The following ROBO1 variants were observed in gnomAD, a reference collection of about 807,000 sequenced individuals.
ROBO1 encodes roundabout guidance receptor 1, also known as roundabout homolog 1.
In ROBO1, 149 loss-of-function variants were observed where a neutral mutation model predicts 195.9. That is an observed-to-expected ratio of 0.76 (90% CI 0.67 to 0.87). ROBO1 has a LOEUF of 0.87. Ranked by LOEUF, ROBO1 falls within the 40% of genes least tolerant of loss-of-function variation. ROBO1 has a pLI of 0.00. For missense variants in ROBO1, 1,933 were observed against 2,068.3 expected, an observed-to-expected ratio of 0.93 and a Z score of 1.27; for synonymous variants, 816 against 733.2, an observed-to-expected ratio of 1.11 and a Z score of -1.82.
rs1272790921 is a variant in ROBO1 at position 78,805,361 on chromosome 3, A to C, written c.500-58461T>G. Reference sequence around the variant, plus strand: ...TTTGTTTCTTAATGATACAAACCACATGAGAAAGTCACTAAAAAATGTAGA... The same window carrying C: ...TTTGTTTCTTAATGATACAAACCACCTGAGAAAGTCACTAAAAAATGTAGA... On this transcript the variant is annotated intron_variant, in intron 4 of 30. Coordinates refer to ENST00000464233, the MANE Select transcript of ROBO1 (RefSeq NM_002941.4). Among the ~76,000 whole-genome samples the C allele has an allele frequency of 2.6e-5, 4 of 152,122 alleles. No individual in the cohort carries two copies. The East Asian group carries it at 7.7e-4, about 29-fold the overall frequency.
At chr3:79,491,249 C>T (rs1221160210) in intron 2 of ROBO1, among the ~76,000 whole-genome samples, 3 of 146,710 alleles carry the variant, frequency 2.0e-5, no homozygotes, top group African/African-American at 7.5e-5. Context: ...CAGTTTTTAA[C>T]TTCTTGCCTA....
chr3:79,317,764 A>T (rs1408227743), intron 2 of ROBO1, among the ~76,000 whole-genome samples: 1 of 151,956 alleles, frequency 6.6e-6, no homozygotes, highest in Non-Finnish European at 1.5e-5. Flanking sequence ...CCTACAAAGC[A>T]CTCGTGTTCT....
intron 3 of ROBO1, among the ~76,000 whole-genome samples, chr3:78,960,779 AACACACACACACACACACACAC>A (rs751349324): frequency 5.3e-4 from 66 of 124,596 alleles, no homozygotes; most frequent in East Asian, 3.5e-3. Flanking sequence ...TCCGTATTAA[AACACACACACACACACACACAC>A]ACACACACAC....
intron 1 of ROBO1, among the ~76,000 whole-genome samples, chr3:79,726,038 T>C (rs1702912617): frequency 6.6e-6 from 1 of 151,830 alleles, no homozygotes; most frequent in Admixed American, 6.6e-5. Context: ...CAAACAAGAG[T>C]CTGGCAGCCA....
At chr3:79,348,604 G>A (rs1182005530) in intron 2 of ROBO1, among the ~76,000 whole-genome samples, 1 of 152,136 alleles carries the variant, frequency 6.6e-6, no homozygotes, top group Non-Finnish European at 1.5e-5. Context: ...ACATCCTATT[G>A]GAGGTAATGT....
chr3:79,261,807 T>A (rs2082942669), intron 2 of ROBO1, among the ~76,000 whole-genome samples: 1 of 152,076 alleles, frequency 6.6e-6, no homozygotes, highest in Non-Finnish European at 1.5e-5. Context: ...TTTAATTTTA[T>A]CAATATGTTA....
chr3:79,082,057 A>G (rs2079284341), intron 3 of ROBO1, among the ~76,000 whole-genome samples: 1 of 152,164 alleles, frequency 6.6e-6, no homozygotes, highest in South Asian at 2.1e-4. Flanking sequence ...AAAAGAAAAT[A>G]TTACCTAGAA....
intron 4 of ROBO1, among the ~76,000 whole-genome samples, chr3:78,930,319 A>G (rs2039443043): frequency 6.6e-6 from 1 of 152,190 alleles, no homozygotes; most frequent in South Asian, 2.1e-4. Flanking sequence ...CTTGGGATGA[A>G]AAGACAAATG....
chr3:79,448,744 T>C (rs920543404), intron 2 of ROBO1, among the ~76,000 whole-genome samples: 3 of 152,178 alleles, frequency 2.0e-5, no homozygotes. Flanking sequence ...ATTGTTATCA[T>C]ATAATTAAGT....
At chr3:78,809,924 A>T (rs1401047245) in intron 4 of ROBO1, among the ~76,000 whole-genome samples, 2 of 151,694 alleles carry the variant, frequency 1.3e-5, no homozygotes, top group Non-Finnish European at 2.9e-5. Context: ...CCACCATGGC[A>T]TGTGTATACC....
chr3:79,377,238 G>A (rs1401564258), intron 2 of ROBO1, among the ~76,000 whole-genome samples: 13 of 152,102 alleles, frequency 8.5e-5, no homozygotes, highest in Admixed American at 7.9e-4. Flanking sequence ...CATATTTAAA[G>A]ATGTTATTTA....
intron 2 of ROBO1, among the ~76,000 whole-genome samples, chr3:79,495,686 C>T (rs1485673236): frequency 6.6e-6 from 1 of 151,984 alleles, no homozygotes; most frequent in African/African-American, 2.4e-5. Flanking sequence ...TGATACTTTC[C>T]AAAACTTCTT....
intron 2 of ROBO1, among the ~76,000 whole-genome samples, chr3:79,135,714 C>T (rs571410452): frequency 1.4e-4 from 22 of 151,966 alleles, no homozygotes; most frequent in African/African-American, 4.8e-4. Context: ...CTCAGCTCAC[C>T]GCAACTTTCG....
chr3:79,242,561 A>T (rs1427525256), intron 2 of ROBO1, among the ~76,000 whole-genome samples: 2 of 152,206 alleles, frequency 1.3e-5, no homozygotes, highest in East Asian at 3.8e-4. Flanking sequence ...AAAGCCATGG[A>T]CATGGTGCTG....
chr3:79,537,913 A>G (rs1941932490), intron 2 of ROBO1, among the ~76,000 whole-genome samples: 1 of 151,498 alleles, frequency 6.6e-6, no homozygotes, highest in South Asian at 2.1e-4. Flanking sequence ...AAATAAAAAA[A>G]CACAAAAAAA....
intron 18 of ROBO1, among the ~76,000 whole-genome samples, chr3:78,656,289 G>A (rs557056571): frequency 1.0e-4 from 15 of 149,668 alleles, no homozygotes; most frequent in South Asian, 8.5e-4. Flanking sequence ...TAAATTGGTC[G>A]TTGCTATAAA....
intron 4 of ROBO1, among the ~76,000 whole-genome samples, chr3:78,819,146 T>A (rs2030549225): frequency 6.6e-6 from 1 of 152,174 alleles, no homozygotes. Flanking sequence ...TGTAATATAT[T>A]CTGGATGCTA....
chr3:78,702,303 T>C (rs1298748028), intron 8 of ROBO1, among the ~76,000 whole-genome samples: 1 of 152,188 alleles, frequency 6.6e-6, no homozygotes, highest in Non-Finnish European at 1.5e-5. Context: ...AATGGATGCA[T>C]AAACAGTCAC....
chr3:79,534,963 A>G (rs1474626278), intron 2 of ROBO1, among the ~76,000 whole-genome samples: 2 of 152,144 alleles, frequency 1.3e-5, no homozygotes, highest in Non-Finnish European at 2.9e-5. Flanking sequence ...TGATGTTTGC[A>G]AATCATGATC....
Sources: gnomAD v4.1 joint callset for allele counts (sites outside exome capture counted in the v4.1 genomes callset) on GRCh38, gnomAD v4.1.1 for gene constraint, MANE v1.5 for transcripts, NCBI Gene and HGNC (gene_info 2026-07-23, HGNC 2026-07-21) for gene names.